The following GRIK2 variants were observed in gnomAD, a reference collection of about 807,000 sequenced individuals.
The protein encoded by GRIK2 is glutamate ionotropic receptor kainate type subunit 2.
GRIK2 carries 32 observed loss-of-function variants against 100.3 expected under a neutral mutation model. That is an observed-to-expected ratio of 0.32 (90% CI 0.24 to 0.43). The LOEUF (loss-of-function observed/expected upper bound fraction) is 0.43. GRIK2 is among the 20% of genes least tolerant of loss of function. The probability of loss-of-function intolerance (pLI) is 1.00; values close to 1 mark genes in which losing one functional copy is unlikely to be tolerated. For missense variants in GRIK2, 843 were observed against 1,114.9 expected (o/e 0.76, Z 3.47); for synonymous variants, 417 against 389.4 (o/e 1.07, Z -0.83).
At chr6:101,703,456 T>C (rs2128354017) in intron 7 of GRIK2, among the ~76,000 whole-genome samples, 1 of 151,990 alleles carries the variant, frequency 6.6e-6, no homozygotes, top group African/African-American at 2.4e-5. Flanking sequence ...GAAGAACTAA[T>C]CATTTTGATT....
chr6:102,022,723 T>C (rs1241849741), intron 14 of GRIK2, among the ~76,000 whole-genome samples: 1 of 151,644 alleles, frequency 6.6e-6, no homozygotes, highest in Non-Finnish European at 1.5e-5. Context: ...TAGTGTTCCA[T>C]TGCCATTGTA....
intron 4 of GRIK2, among the ~76,000 whole-genome samples, chr6:101,663,952 G>A (rs943758208): frequency 1.3e-5 from 2 of 152,160 alleles, no homozygotes; most frequent in South Asian, 2.1e-4. Context: ...CAGAACTTTT[G>A]AGGAAAATAT....
chr6:101,798,177 G>A (rs1278278426), intron 7 of GRIK2, among the ~76,000 whole-genome samples: 5 of 151,178 alleles, frequency 3.3e-5, no homozygotes, highest in South Asian at 2.1e-4. Flanking sequence ...GCTCTCTTAC[G>A]TTTTGTGCTG....
intron 7 of GRIK2, chr6:101,744,747 T>G (rs1776321740): frequency 6.6e-6 from 1 of 151,298 alleles, no homozygotes; most frequent in Admixed American, 6.6e-5. Context: ...CCTGGCTAAT[T>G]TTTTTGTATT....
chr6:101,578,629 A>G (rs1228534750), intron 2 of GRIK2, among the ~76,000 whole-genome samples: 1 of 151,852 alleles, frequency 6.6e-6, no homozygotes, highest in Non-Finnish European at 1.5e-5. Context: ...GGGATAGAAC[A>G]GCTGTGGCCA....
chr6:101,705,015 TTATA>T (rs1175053934), intron 7 of GRIK2, among the ~76,000 whole-genome samples: 1 of 147,076 alleles, frequency 6.8e-6, no homozygotes, highest in Non-Finnish European at 1.5e-5. Flanking sequence ...ATATTTATAT[TTATA>T]TATTATATTA....
rs55978407 is a variant in GRIK2, at chr6:101,685,159, C to A, written c.778-1021C>A. ...TTCTTTTGCATTTATGATTTCTACT[C>A]TTTTACCACTTGGCATATATTGCCA... On this transcript the variant is annotated intron_variant, in intron 6 of 16. Coordinates refer to ENST00000369134, the MANE Select transcript of GRIK2 (RefSeq NM_021956.5). 8.5e-3 allele frequency among the ~76,000 whole-genome samples: 1,292 copies of A among 152,256 alleles called. 13 individuals carry two copies. The highest frequency in any genetic ancestry group is 0.029 in the African/African-American group (1,208 of 41,546).
At chr6:101,513,313 G>C (rs547386579) in intron 2 of GRIK2, among the ~76,000 whole-genome samples, 1 of 152,262 alleles carries the variant, frequency 6.6e-6, no homozygotes, top group South Asian at 2.1e-4. Flanking sequence ...TGATAAAAAG[G>C]TAATGTTCAG....
chr6:101,534,789 A>G (rs1775607809), intron 2 of GRIK2, among the ~76,000 whole-genome samples: 1 of 151,742 alleles, frequency 6.6e-6, no homozygotes, highest in Admixed American at 6.6e-5. Context: ...AAATCTTAGT[A>G]TTTTTCTCTG....
chr6:101,410,282 A>G (rs1436840998), intron 2 of GRIK2, among the ~76,000 whole-genome samples: 4 of 152,100 alleles, frequency 2.6e-5, no homozygotes, highest in Admixed American at 6.6e-5. Flanking sequence ...AGTTATTTCA[A>G]GGTTTGCAAA....
chr6:101,589,503 T>C (rs574255685), intron 2 of GRIK2, among the ~76,000 whole-genome samples: 1 of 152,204 alleles, frequency 6.6e-6, no homozygotes, highest in African/African-American at 2.4e-5. Context: ...ACTTTCTACA[T>C]CTATGAGATC....
At chr6:101,436,211 A>G (rs899811079) in intron 2 of GRIK2, among the ~76,000 whole-genome samples, 1 of 152,124 alleles carries the variant, frequency 6.6e-6, no homozygotes, top group African/African-American at 2.4e-5. Context: ...GCTACATTTT[A>G]CTAATTATTC....
At chr6:101,840,005 G>A (rs1783396002) in intron 10 of GRIK2, among the ~76,000 whole-genome samples, 2 of 152,004 alleles carry the variant, frequency 1.3e-5, no homozygotes, top group Non-Finnish European at 2.9e-5. Context: ...GATGATGGTT[G>A]GTCTCATGAA....
intron 12 of GRIK2, among the ~76,000 whole-genome samples, chr6:101,920,900 GTGATATTA>G (rs375817007): frequency 7.2e-4 from 110 of 151,988 alleles, no homozygotes; most frequent in African/African-American, 2.5e-3. Context: ...AAATAGAGAT[GTGATATTA>G]TGGGAATTAT....
intron 4 of GRIK2, among the ~76,000 whole-genome samples, chr6:101,630,684 A>C (rs1029713028): frequency 2.0e-5 from 3 of 152,102 alleles, no homozygotes; most frequent in African/African-American, 7.2e-5. Context: ...CAGCAAAGAG[A>C]ATTTGTCAGC....
intron 5 of GRIK2, among the ~76,000 whole-genome samples, chr6:101,680,548 G>C (rs1348052717): frequency 6.6e-6 from 1 of 152,014 alleles, no homozygotes; most frequent in Non-Finnish European, 1.5e-5. Flanking sequence ...GTTTTTATGA[G>C]GCTTAAATAT....
intron 2 of GRIK2, among the ~76,000 whole-genome samples, chr6:101,479,390 G>A (rs1317663094): frequency 6.6e-6 from 1 of 152,034 alleles, no homozygotes; most frequent in Non-Finnish European, 1.5e-5. Flanking sequence ...AGATTAATAT[G>A]AGTATGGCAT....
chr6:101,558,886 T>C (rs1776866672), intron 2 of GRIK2, among the ~76,000 whole-genome samples: 1 of 152,110 alleles, frequency 6.6e-6, no homozygotes, highest in Admixed American at 6.6e-5. Flanking sequence ...TTTTTCTGTA[T>C]GTCAATTCAC....
At position 101,910,367 on chromosome 6, in the gene GRIK2, G is replaced by A. The variant is rs768334334; in HGVS notation, c.1749-14234G>A. Reference sequence around the variant, plus strand: ...TTTTAAATCTTGATTTTAAATTTGAGTCAATTGTTACTAATTTACTATTAT... The same window carrying A: ...TTTTAAATCTTGATTTTAAATTTGAATCAATTGTTACTAATTTACTATTAT... On this transcript the variant is annotated intron_variant, in intron 12 of 16. Coordinates refer to ENST00000369134, the MANE Select transcript of GRIK2 (RefSeq NM_021956.5). 2.1e-4 allele frequency among the ~76,000 whole-genome samples: 31 copies of A among 151,076 alleles called. 1 individual carries two copies. The highest frequency in any genetic ancestry group is 3.9e-4 in the East Asian group (2 of 5,138).
Sources: allele counts gnomAD v4.1 joint callset (sites outside exome capture counted in the v4.1 genomes callset), GRCh38; gene constraint gnomAD v4.1.1; transcripts MANE v1.5; gene names NCBI Gene and HGNC (gene_info 2026-07-23, HGNC 2026-07-21).